PPP1R9A: variants seen among roughly 807,000 people sequenced by gnomAD.
PPP1R9A encodes protein phosphatase 1 regulatory subunit 9A.
PPP1R9A carries 59 observed loss-of-function variants against 141.9 expected under a neutral mutation model. The ratio of observed to expected loss-of-function variants is 0.42; its 90% CI spans 0.34 to 0.52. PPP1R9A has a LOEUF of 0.52. Among genes scored for constraint, PPP1R9A ranks in the 20% least tolerant of loss-of-function variants. The probability of loss-of-function intolerance (pLI) is 0.10; values close to 1 mark genes in which losing one functional copy is unlikely to be tolerated. For synonymous variants in PPP1R9A, 500 were observed against 569.7 expected, an observed-to-expected ratio of 0.88 and a Z score of 1.74; for missense variants, 1,444 against 1,611.9, an observed-to-expected ratio of 0.90 and a Z score of 1.78.
In PPP1R9A at chr7:95,220,601, C is replaced by G. The variant is rs181138016; in HGVS notation, c.1957-5360C>G. 3.3e-3 allele frequency among the ~76,000 whole-genome samples: 509 copies of G among 152,188 alleles called. 2 individuals are homozygous for G. Among genetic ancestry groups the G allele is most frequent in the Middle Eastern group, 6.8e-3 (2 of 294 alleles). ...GCTATGCAGATGTGGCTACAACTAT[C>G]TGAATTTATTCAGCAAACATTTGTT... On this transcript the variant is annotated intron_variant, in intron 7 of 19. Transcript: ENST00000433360.
intron 4 of PPP1R9A, among the ~76,000 whole-genome samples, chr7:95,137,300 G>T (rs1259556334): frequency 7.4e-6 from 1 of 134,344 alleles, no homozygotes; most frequent in Non-Finnish European, 1.5e-5. Context: ...TGTTCTCATT[G>T]TTCAGTTCCC....
chr7:94,966,229 C>G (rs903609844), intron 2 of PPP1R9A, among the ~76,000 whole-genome samples: 1 of 152,026 alleles, frequency 6.6e-6, no homozygotes, highest in Non-Finnish European at 1.5e-5. Flanking sequence ...GGCTGAGACC[C>G]TGGGGTTTCT....
intron 2 of PPP1R9A, among the ~76,000 whole-genome samples, chr7:95,024,210 A>G (rs756079992): frequency 3.2e-4 from 48 of 152,014 alleles, no homozygotes; most frequent in Non-Finnish European, 5.4e-4. Context: ...TATGTGGTCA[A>G]TTTTAGAGTA....
intron 2 of PPP1R9A, among the ~76,000 whole-genome samples, chr7:95,027,599 C>T (rs1392052395): frequency 4.6e-5 from 7 of 152,148 alleles, no homozygotes; most frequent in Non-Finnish European, 1.0e-4. Flanking sequence ...GACGGGGATA[C>T]GTTCTGAGAG....
intron 2 of PPP1R9A, among the ~76,000 whole-genome samples, chr7:95,007,626 T>C (rs1476066315): frequency 1.3e-5 from 2 of 152,230 alleles, no homozygotes; most frequent in Admixed American, 6.5e-5. Context: ...TTTTATGTTA[T>C]AGCCTGTATG....
At chr7:94,919,301 A>ATTTTTTTTTT (rs757456894) in intron 2 of PPP1R9A, among the ~76,000 whole-genome samples, 23 of 106,188 alleles carry the variant, frequency 2.2e-4, no homozygotes, top group Non-Finnish European at 2.7e-4. Flanking sequence ...GGATAATTAC[A>ATTTTTTTTTT]TTTTTTTTTT....
chr7:95,023,124 G>C (rs891916021), intron 2 of PPP1R9A, among the ~76,000 whole-genome samples: 1 of 152,008 alleles, frequency 6.6e-6, no homozygotes, highest in Non-Finnish European at 1.5e-5. Context: ...TTTTTTGGTT[G>C]GTAGGCTGTT....
intron 12 of PPP1R9A, among the ~76,000 whole-genome samples, chr7:95,253,723 A>G (rs559646907): frequency 2.0e-5 from 3 of 152,240 alleles, no homozygotes; most frequent in Admixed American, 6.5e-5. Flanking sequence ...AAAGTAATTT[A>G]TTTGAGCTCT....
At chr7:95,151,182 G>A (rs1828604599) in intron 4 of PPP1R9A, among the ~76,000 whole-genome samples, 1 of 152,192 alleles carries the variant, frequency 6.6e-6, no homozygotes, top group African/African-American at 2.4e-5. Context: ...ACACATAGAT[G>A]TTTATAGCAG....
Position 94,910,272 on chromosome 7 carries a change from G to C in PPP1R9A, c.159G>C (p.Gln53His). The C allele has an allele frequency of 6.2e-7, 1 of 1,614,122 alleles. No individual in the cohort carries two copies. Among genetic ancestry groups the C allele is most frequent in the South Asian group, 1.1e-5 (1 of 91,068 alleles). The change falls in exon 2 of 20, where the codon CAG becomes CAC. Residue 53 changes from glutamine to histidine, a missense_variant. By Grantham distance (24) the Gln-to-His change is conservative (BLOSUM62 0). Around this residue, in one of 5 missense-constraint regions of PPP1R9A, gnomAD observed 490 missense variants for 521.1 expected, o/e 0.94. Transcript: ENST00000433360. The surrounding 1 kb of genome is among the most constrained non-coding windows in gnomAD (Gnocchi z 4.5). Reference protein sequence around the residue: ...QKTKEGEGSQQSRGRKYGSNV... With the variant: ...QKTKEGEGSQHSRGRKYGSNV... Reference sequence around the variant, plus strand: ...CAAAAGAAGGTGAGGGCTCCCAGCAGAGCAGGGGGAGGAAATATGGCTCCA... The same window carrying C: ...CAAAAGAAGGTGAGGGCTCCCAGCACAGCAGGGGGAGGAAATATGGCTCCA...
chr7:94,948,814 A>C (rs1209654379), intron 2 of PPP1R9A, among the ~76,000 whole-genome samples: 1 of 152,106 alleles, frequency 6.6e-6, no homozygotes, highest in Non-Finnish European at 1.5e-5. Context: ...TTCCAGGTTT[A>C]AACAGAGAGC....
At chr7:95,279,961 C>A (rs1031476539) in intron 16 of PPP1R9A, among the ~76,000 whole-genome samples, 2 of 152,152 alleles carry the variant, frequency 1.3e-5, no homozygotes, top group South Asian at 4.1e-4. Flanking sequence ...AATAGTTTCA[C>A]CATCTCGAAT....
At chr7:95,186,983 T>C (rs1007548969) in intron 5 of PPP1R9A, among the ~76,000 whole-genome samples, 1 of 152,116 alleles carries the variant, frequency 6.6e-6, no homozygotes, top group South Asian at 2.1e-4. Context: ...TTTTTTGTTC[T>C]GTCCTTTCCT....
chr7:94,945,894 A>C (rs1202295818), intron 2 of PPP1R9A, among the ~76,000 whole-genome samples: 1 of 152,008 alleles, frequency 6.6e-6, no homozygotes, highest in Non-Finnish European at 1.5e-5. Context: ...TAGATCAGTA[A>C]CTCACACACT....
chr7:95,096,584 T>G (rs2152375649), intron 2 of PPP1R9A, among the ~76,000 whole-genome samples: 1 of 152,296 alleles, frequency 6.6e-6, no homozygotes, highest in South Asian at 2.1e-4. Flanking sequence ...CTCTCTAATC[T>G]TCTTTGTAAA....
intron 7 of PPP1R9A, among the ~76,000 whole-genome samples, chr7:95,211,838 A>T (rs1182166632): frequency 6.6e-6 from 1 of 152,076 alleles, no homozygotes; most frequent in Non-Finnish European, 1.5e-5. Context: ...TAATTTTGTA[A>T]AAGCCCGGCA....
intron 2 of PPP1R9A, among the ~76,000 whole-genome samples, chr7:95,110,940 ACAG>A (rs1282345450): frequency 2.6e-5 from 4 of 152,194 alleles, no homozygotes; most frequent in Admixed American, 2.0e-4. Flanking sequence ...TTATTGGGAA[ACAG>A]CAGAGCGTTC....
chr7:95,257,890 C>A (rs1224083429), intron 12 of PPP1R9A, among the ~76,000 whole-genome samples: 1 of 152,106 alleles, frequency 6.6e-6, no homozygotes, highest in Non-Finnish European at 1.5e-5. Context: ...TGTATATGTG[C>A]CACATTTTCT....
At chr7:95,094,824 G>A (rs1817809044) in intron 2 of PPP1R9A, among the ~76,000 whole-genome samples, 1 of 133,872 alleles carries the variant, frequency 7.5e-6, no homozygotes, top group Non-Finnish European at 1.5e-5. Context: ...AGGTTCCAAT[G>A]AGCTGAGATC....
Sources: gnomAD v4.1 joint callset for allele counts (sites outside exome capture counted in the v4.1 genomes callset) on GRCh38, gnomAD v4.1.1 for gene constraint, gnomAD v4.1.1 regional missense constraint, Gnocchi (gnomAD v3.1) non-coding constraint, MANE v1.5 for transcripts, NCBI Gene and HGNC (gene_info 2026-07-23, HGNC 2026-07-21) for gene names.